The following SORCS2 variants were observed in gnomAD, a reference collection of about 807,000 sequenced individuals.
SORCS2 encodes the protein sortilin related VPS10 domain containing receptor 2, also known as VPS10 domain-containing receptor SorCS2.
In SORCS2, 100 loss-of-function variants were observed where a neutral mutation model predicts 141.6. That is an observed-to-expected ratio of 0.71 (90% CI 0.60 to 0.83). SORCS2 has a LOEUF of 0.83. SORCS2 is among the 40% of genes least tolerant of loss of function. The probability of loss-of-function intolerance (pLI) is 0.00; values close to 1 mark genes in which losing one functional copy is unlikely to be tolerated. For synonymous variants in SORCS2, 789 were observed against 676.9 expected (o/e 1.17, Z -2.57); for missense variants, 1,646 against 1,560.2 (o/e 1.05, Z -0.93).
At chr4:7,626,289 C>G (rs1445490376) in intron 3 of SORCS2, among the ~76,000 whole-genome samples, 1 of 152,204 alleles carries the variant, frequency 6.6e-6, no homozygotes, top group Admixed American at 6.5e-5. Flanking sequence ...AAACACATTC[C>G]TCTTTCATAA....
chr4:7,340,310 A>C (rs112188364), intron 1 of SORCS2, among the ~76,000 whole-genome samples: 135 of 152,366 alleles, frequency 8.9e-4, no homozygotes, highest in African/African-American at 2.9e-3. Flanking sequence ...ACAGTGGGGC[A>C]GGGAGACTGG....
intron 1 of SORCS2, among the ~76,000 whole-genome samples, chr4:7,392,781 G>T (rs147195319): frequency 7.4e-4 from 113 of 152,216 alleles, no homozygotes; most frequent in Middle Eastern, 3.4e-3. Context: ...AAAAGCCCTG[G>T]GCCTGGGCAC....
chr4:7,594,029 C>A (rs980739831), intron 3 of SORCS2, among the ~76,000 whole-genome samples: 3 of 152,214 alleles, frequency 2.0e-5, no homozygotes. Context: ...CTCTTGAGCA[C>A]GTCTGTCTGC....
chr4:7,385,781 A>AG (rs1723257766), intron 1 of SORCS2, among the ~76,000 whole-genome samples: 1 of 152,218 alleles, frequency 6.6e-6, no homozygotes, highest in Non-Finnish European at 1.5e-5. Context: ...TACCACCTGA[A>AG]GGGGCAGGGC....
At chr4:7,427,595 C>T (rs1171719278) in intron 2 of SORCS2, among the ~76,000 whole-genome samples, 2 of 152,096 alleles carry the variant, frequency 1.3e-5, no homozygotes, top group Non-Finnish European at 2.9e-5. Context: ...AAGAAATGCC[C>T]GAGTCTGGGT....
At chr4:7,705,326 G>A (rs917340545) in intron 14 of SORCS2, among the ~76,000 whole-genome samples, 1 of 152,180 alleles carries the variant, frequency 6.6e-6, no homozygotes, top group Non-Finnish European at 1.5e-5. Flanking sequence ...TCAGCCTTCT[G>A]GCCTCCAGAG....
At chr4:7,348,049 A>C (rs547554968) in intron 1 of SORCS2, among the ~76,000 whole-genome samples, 1 of 152,346 alleles carries the variant, frequency 6.6e-6, no homozygotes, top group African/African-American at 2.4e-5. Context: ...ATGATTTCTG[A>C]GGATGATCTT....
intron 2 of SORCS2, among the ~76,000 whole-genome samples, chr4:7,416,720 ACT>A (rs1009700591): frequency 6.5e-5 from 2 of 30,986 alleles, no homozygotes; most frequent in Admixed American, 3.8e-4. Flanking sequence ...TTGTGCACAC[ACT>A]CAGACACACA....
rs142256780 is a variant in SORCS2 at position 7,699,502 on chromosome 4, A to T, written c.1668+2228A>T. ...AGGGGGCCAGCTCAGTACCAAAGGG[A>T]AATTGCACTCCAGGACTGTTGGGCT... On this transcript the variant is annotated intron_variant, in intron 12 of 26. Transcript: ENST00000507866. Among the ~76,000 whole-genome samples the T allele has an allele frequency of 7.3e-3, 1,113 of 152,064 alleles. 14 individuals are homozygous for T. The highest frequency in any genetic ancestry group is 0.026 in the African/African-American group (1,071 of 41,454).
chr4:7,411,203 C>G (rs1036951509), intron 2 of SORCS2, among the ~76,000 whole-genome samples: 3 of 152,002 alleles, frequency 2.0e-5, no homozygotes, highest in African/African-American at 7.2e-5. Flanking sequence ...ATCCACCCAC[C>G]TTGGCCTCCC....
intron 1 of SORCS2, among the ~76,000 whole-genome samples, chr4:7,293,896 G>T (rs548439110): frequency 6.6e-6 from 1 of 152,166 alleles, no homozygotes; most frequent in Non-Finnish European, 1.5e-5. Flanking sequence ...ATTCCGAGGC[G>T]CTGTCCAGCA....
At chr4:7,327,860 G>A (rs559956893) in intron 1 of SORCS2, among the ~76,000 whole-genome samples, 1 of 145,932 alleles carries the variant, frequency 6.9e-6, no homozygotes, top group African/African-American at 2.5e-5. Context: ...GCTGCTGACC[G>A]TGCTGTCCTG....
At chr4:7,277,930 G>C (rs1015738962) in intron 1 of SORCS2, among the ~76,000 whole-genome samples, 2 of 152,180 alleles carry the variant, frequency 1.3e-5, no homozygotes, top group African/African-American at 4.8e-5. Flanking sequence ...TGTACCCACT[G>C]GCCCTGGACA....
chr4:7,279,815 CTA>C (rs1715751179), intron 1 of SORCS2, among the ~76,000 whole-genome samples: 1 of 152,196 alleles, frequency 6.6e-6, no homozygotes. Context: ...ACAGGACAAA[CTA>C]TAAATTTGGG....
intron 3 of SORCS2, among the ~76,000 whole-genome samples, chr4:7,618,290 G>A (rs1403895820): frequency 6.6e-6 from 1 of 152,064 alleles, no homozygotes; most frequent in Non-Finnish European, 1.5e-5. Flanking sequence ...TGCACAGTGA[G>A]TTCTCCAAAC....
rs111203704 is a variant in SORCS2 at position 7,614,664 on chromosome 4, C to T, written c.649-23664C>T. Among the ~76,000 whole-genome samples, 428 of 151,402 alleles carry T rather than the reference C, an allele frequency of 2.8e-3. 3 individuals carry two copies. Among genetic ancestry groups the T allele is most frequent in the African/African-American group, 0.01 (413 of 41,210 alleles). On this transcript the variant is annotated intron_variant, in intron 3 of 26. Coordinates refer to ENST00000507866, the MANE Select transcript of SORCS2 (RefSeq NM_020777.3). ...ATCCATCCACCTATCCACCCATCCACCACCCACCCATCAATCCATCTATCC... is the reference window on the plus strand; with the variant it reads ...ATCCATCCACCTATCCACCCATCCATCACCCACCCATCAATCCATCTATCC...
chr4:7,226,680 C>T (rs769227650), intron 1 of SORCS2, among the ~76,000 whole-genome samples: 4 of 152,248 alleles, frequency 2.6e-5, no homozygotes, highest in Admixed American at 1.3e-4. Context: ...TCAGAGTCAC[C>T]GCTGAGGTTA....
chr4:7,561,509 T>TACCC (rs1200986146), intron 3 of SORCS2, among the ~76,000 whole-genome samples: 62 of 151,710 alleles, frequency 4.1e-4, no homozygotes, highest in African/African-American at 1.4e-3. Context: ...TTCATCCATC[T>TACCC]ATCCATCCAT....
In SORCS2 at chr4:7,708,157, G is replaced by A. The variant is rs1008158038; in HGVS notation, c.1868+3873G>A. Among the ~76,000 whole-genome samples, 11 of 152,178 alleles carry A rather than the reference G, an allele frequency of 7.2e-5. No individual in the cohort carries two copies. In the South Asian group the frequency reaches 1.0e-3, roughly 14 times the overall value. ...GGGACTTAAACTCCACGAGGTCGCC[G>A]CAAATGAGCCCTCAACTGATGCTCA... On this transcript the variant is annotated intron_variant, in intron 14 of 26. Coordinates refer to ENST00000507866, the MANE Select transcript of SORCS2 (RefSeq NM_020777.3).
Sources: gnomAD v4.1 joint callset for allele counts (sites outside exome capture counted in the v4.1 genomes callset) on GRCh38, gnomAD v4.1.1 for gene constraint, MANE v1.5 for transcripts, NCBI Gene and HGNC (gene_info 2026-07-23, HGNC 2026-07-21) for gene names.